Variants in CMIP observed in about 807,000 individuals in gnomAD.
CMIP encodes c-Maf inducing protein.
A neutral mutation model predicts 97.3 loss-of-function variants in CMIP; 13 were observed. That is an observed-to-expected ratio of 0.13 (90% CI 0.09 to 0.21). CMIP has a LOEUF of 0.21. Ranked by LOEUF, CMIP falls within the 10% of genes least tolerant of loss-of-function variation. CMIP has a pLI of 1.00. For synonymous variants in CMIP, 538 were observed against 436.3 expected (o/e 1.23, Z -2.91); for missense variants, 847 against 1,024.9 (o/e 0.83, Z 2.37).
chr16:81,696,535 A>T (rs764014820), intron 13 of CMIP, 25 bp from the exon 14 acceptor site: 1 of 1,597,024 alleles, frequency 6.3e-7, no homozygotes, highest in Non-Finnish European at 8.5e-7. Flanking sequence ...TGCAGCTCAC[A>T]CTTGTGTCTT....
At chr16:81,668,186 A>G (rs907114938) in intron 7 of CMIP, among the ~76,000 whole-genome samples, 8 of 151,996 alleles carry the variant, frequency 5.3e-5, no homozygotes, top group Non-Finnish European at 1.0e-4. Context: ...ATGGGTACGG[A>G]GGGACAGGTC....
At chr16:81,617,157 C>T (rs2091930181) in intron 2 of CMIP, 1 of 152,260 alleles carries the variant, frequency 6.6e-6, no homozygotes, top group East Asian at 1.9e-4. Context: ...AGAATGTCCA[C>T]TTTGAAAAGG....
chr16:81,482,244 G>A (rs914262267), intron 1 of CMIP, among the ~76,000 whole-genome samples: 10 of 152,108 alleles, frequency 6.6e-5, no homozygotes, highest in Admixed American at 2.0e-4. Flanking sequence ...GGCACCTTCC[G>A]TCTCAAGATC....
At chr16:81,477,679 G>C (rs1217307770) in intron 1 of CMIP, among the ~76,000 whole-genome samples, 1 of 152,320 alleles carries the variant, frequency 6.6e-6, no homozygotes, top group South Asian at 2.1e-4. Context: ...GTTTTCTCTC[G>C]TATAAAGGAA....
chr16:81,508,813 G>C (rs777219439), intron 1 of CMIP, among the ~76,000 whole-genome samples: 7 of 152,224 alleles, frequency 4.6e-5, no homozygotes, highest in Non-Finnish European at 7.3e-5. Context: ...GTAGGCCCCA[G>C]GATGGGGATC....
chr16:81,648,769 C>G (rs550527847), intron 3 of CMIP, among the ~76,000 whole-genome samples: 2 of 115,238 alleles, frequency 1.7e-5, no homozygotes, highest in South Asian at 2.8e-4. Flanking sequence ...AGTGACAGAG[C>G]AAGACTCTGT....
At chr16:81,539,322 G>T (rs138702162) in intron 1 of CMIP, among the ~76,000 whole-genome samples, 2 of 152,316 alleles carry the variant, frequency 1.3e-5, no homozygotes, top group East Asian at 1.9e-4. Flanking sequence ...GGCGTCCTTG[G>T]GGGTGGAGGA....
Position 81,445,272 on chromosome 16 carries a change from G to C in CMIP, c.31G>C (p.Gly11Arg). 6.5e-7 allele frequency: 1 copy of C among 1,541,616 alleles called. No homozygotes were observed. Among genetic ancestry groups the C allele is most frequent in the Non-Finnish European group, 8.7e-7 (1 of 1,146,128 alleles). ...TGTGACCAGCAGCTCGGGCGGCGGC[G>C]GCGACCCCCGGCAGATCGAGGAGAC... is the stretch of plus-strand genomic sequence containing the variant. The part of the protein sequence containing the change: MDVTSSSGGG[G>R]DPRQIEETKP... The change falls in exon 1 of 21, where the codon GGC becomes CGC. Residue 11 changes from glycine to arginine, a missense_variant. Transcript: ENST00000537098.
intron 1 of CMIP, among the ~76,000 whole-genome samples, chr16:81,568,161 G>C (rs563166269): frequency 1.3e-5 from 2 of 151,942 alleles, no homozygotes; most frequent in Non-Finnish European, 2.9e-5. Flanking sequence ...CCTTTGATGG[G>C]AGAATCCGTA....
chr16:81,447,325 C>T (rs1905919857), intron 1 of CMIP, among the ~76,000 whole-genome samples: 1 of 151,646 alleles, frequency 6.6e-6, no homozygotes, highest in South Asian at 2.1e-4. Context: ...AGTGACCTGC[C>T]ATGGGAAGGC....
chr16:81,479,357 G>A (rs748928694), intron 1 of CMIP, among the ~76,000 whole-genome samples: 4 of 152,066 alleles, frequency 2.6e-5, no homozygotes, highest in Non-Finnish European at 5.9e-5. Flanking sequence ...TAAAATACAC[G>A]TAACATAAAA....
rs1304123346 is a variant in CMIP at position 81,618,030 on chromosome 16, G to A, written c.427-2846G>A. ...TACAGGCACTGCCTGGGTCCACTGT[G>A]GACCCTCAGAGCCAGTGGAACAACT... On this transcript the variant is annotated intron_variant, in intron 2 of 20. Coordinates refer to ENST00000537098, the MANE Select transcript of CMIP (RefSeq NM_198390.3). Among the ~76,000 whole-genome samples, 4 of 152,332 alleles carry A rather than the reference G, an allele frequency of 2.6e-5. No individual in the cohort carries two copies. In the East Asian group the frequency reaches 7.7e-4, roughly 29 times the overall value.
chr16:81,558,512 G>A (rs1484442526), intron 1 of CMIP, among the ~76,000 whole-genome samples: 4 of 152,192 alleles, frequency 2.6e-5, no homozygotes. Flanking sequence ...AGAGACCAGG[G>A]ATACTGCTCA....
At chr16:81,670,596 G>A (rs2151040457) in intron 8 of CMIP, among the ~76,000 whole-genome samples, 1 of 131,190 alleles carries the variant, frequency 7.6e-6, no homozygotes, top group Admixed American at 8.1e-5. Flanking sequence ...TTTGGTTCTT[G>A]GGGTTGGTGT....
chr16:81,548,941 C>T (rs1324345452), intron 1 of CMIP, among the ~76,000 whole-genome samples: 1 of 152,246 alleles, frequency 6.6e-6, no homozygotes, highest in African/African-American at 2.4e-5. Flanking sequence ...CCTTCATTCT[C>T]ATAGCAACCC....
intron 3 of CMIP, among the ~76,000 whole-genome samples, chr16:81,647,867 C>A (rs1006232143): frequency 6.6e-6 from 1 of 151,850 alleles, no homozygotes; most frequent in Non-Finnish European, 1.5e-5. Flanking sequence ...CTTCTGGGAA[C>A]AGGGGCCTGC....
chr16:81,462,989 C>T (rs1906983565), intron 1 of CMIP, among the ~76,000 whole-genome samples: 1 of 152,192 alleles, frequency 6.6e-6, no homozygotes, highest in South Asian at 2.1e-4. Flanking sequence ...CAAAGGCAGT[C>T]TTGGCATTTG....
intron 1 of CMIP, among the ~76,000 whole-genome samples, chr16:81,548,501 C>A (rs550738282): frequency 4.7e-4 from 71 of 152,180 alleles, no homozygotes; most frequent in African/African-American, 1.7e-3. Context: ...CTGGCCTCCA[C>A]TCACTAGATG....
intron 5 of CMIP, among the ~76,000 whole-genome samples, chr16:81,659,049 G>T (rs1333586400): frequency 1.3e-5 from 2 of 152,210 alleles, no homozygotes; most frequent in African/African-American, 4.8e-5. Flanking sequence ...GTTTGCTAAC[G>T]CTAACAGTAT....
Sources: gnomAD v4.1 joint callset for allele counts (sites outside exome capture counted in the v4.1 genomes callset) on GRCh38, gnomAD v4.1.1 for gene constraint, MANE v1.5 for transcripts, NCBI Gene and HGNC (gene_info 2026-07-23, HGNC 2026-07-21) for gene names.